The following USH2A variants were observed in gnomAD, a reference collection of about 807,000 sequenced individuals.
The protein encoded by USH2A is Usher syndrome 2A (autosomal recessive, mild).
A neutral mutation model predicts 538.9 loss-of-function variants in USH2A; 443 were observed. The ratio of observed to expected loss-of-function variants is 0.82; its 90% CI spans 0.76 to 0.89. USH2A has a LOEUF of 0.89. Ranked by LOEUF, USH2A falls within the 40% of genes least tolerant of loss-of-function variation. The probability of loss-of-function intolerance (pLI) is 0.00; values close to 1 mark genes in which losing one functional copy is unlikely to be tolerated. For synonymous variants in USH2A, 2,413 were observed against 2,273.5 expected, an observed-to-expected ratio of 1.06 and a Z score of -1.75; for missense variants, 6,633 against 6,324.8, an observed-to-expected ratio of 1.05 and a Z score of -1.65.
intron 4 of USH2A, among the ~76,000 whole-genome samples, chr1:216,350,842 A>T (rs1243326727): frequency 6.6e-6 from 1 of 152,166 alleles, no homozygotes; most frequent in African/African-American, 2.4e-5. Context: ...AATGTCCTAG[A>T]GGGGACTCAG....
chr1:215,789,976 C>A, intron 51 of USH2A, 83 bp downstream of exon 51: 1 of 1,372,804 alleles, frequency 7.3e-7, no homozygotes, highest in South Asian at 1.2e-5. Flanking sequence ...TTTTATATTC[C>A]TATTTTAGAA....
At chr1:216,009,721 C>T (rs150483408) in intron 32 of USH2A, among the ~76,000 whole-genome samples, 6 of 152,266 alleles carry the variant, frequency 3.9e-5, no homozygotes, top group South Asian at 2.1e-4. Context: ...CCCAATTCTT[C>T]CTCAGCCTCC....
intron 32 of USH2A, among the ~76,000 whole-genome samples, chr1:216,035,954 T>A (rs2029923561): frequency 6.6e-6 from 1 of 152,168 alleles, no homozygotes; most frequent in African/African-American, 2.4e-5. Flanking sequence ...TGAAAATAAG[T>A]CAATATTGCA....
chr1:216,087,426 A>G (rs1408293584), intron 23 of USH2A, among the ~76,000 whole-genome samples: 2 of 151,714 alleles, frequency 1.3e-5, no homozygotes, highest in African/African-American at 4.8e-5. Context: ...CTCTCCCCAA[A>G]CCTGCTTCTC....
chr1:216,351,187 C>G (rs1302950014), intron 4 of USH2A, among the ~76,000 whole-genome samples: 3 of 152,010 alleles, frequency 2.0e-5, no homozygotes, highest in Non-Finnish European at 2.9e-5. Flanking sequence ...GAGGGAAAAA[C>G]AGATATATTC....
At chr1:216,050,840 C>CAG in intron 30 of USH2A, among the ~76,000 whole-genome samples, 1 of 151,496 alleles carries the variant, frequency 6.6e-6, no homozygotes, top group East Asian at 2.0e-4. Context: ...CTCCTGACCT[C>CAG]GTGATCCACC....
chr1:216,269,588 G>A, intron 11 of USH2A, among the ~76,000 whole-genome samples: 1 of 152,080 alleles, frequency 6.6e-6, no homozygotes. Context: ...ATAGTAACAG[G>A]AAGAGTGCTA....
intron 21 of USH2A, among the ~76,000 whole-genome samples, chr1:216,106,521 T>C (rs1358649782): frequency 6.6e-6 from 1 of 151,420 alleles, no homozygotes; most frequent in Non-Finnish European, 1.5e-5. Flanking sequence ...TTTTTAAAAT[T>C]AATCCAAAAT....
At chr1:215,653,738 C>T (rs1657152568) in intron 64 of USH2A, among the ~76,000 whole-genome samples, 1 of 152,112 alleles carries the variant, frequency 6.6e-6, no homozygotes, top group Admixed American at 6.5e-5. Context: ...GGATTTTTGT[C>T]TATGCCCGGC....
intron 62 of USH2A, among the ~76,000 whole-genome samples, chr1:215,678,334 C>T (rs1658101557): frequency 6.6e-6 from 1 of 152,216 alleles, no homozygotes; most frequent in African/African-American, 2.4e-5. Flanking sequence ...CTACCAGTCC[C>T]TCCAACCTCT....
chr1:216,309,426 A>C (rs1201385786), intron 9 of USH2A, among the ~76,000 whole-genome samples: 8 of 152,260 alleles, frequency 5.3e-5, no homozygotes, highest in Non-Finnish European at 1.2e-4. Context: ...TTTCAGCCAG[A>C]CAGTCTCATA....
intron 11 of USH2A, among the ~76,000 whole-genome samples, chr1:216,252,186 A>G (rs1174011278): frequency 6.6e-6 from 1 of 152,250 alleles, no homozygotes; most frequent in African/African-American, 2.4e-5. Context: ...GTGTTGATTA[A>G]AGAAAGATAA....
chr1:216,175,627 G>A, intron 20 of USH2A, 145 bp from the exon 21 acceptor site: 1 of 802,570 alleles, frequency 1.2e-6, no homozygotes, highest in Non-Finnish European at 2.0e-6. Context: ...ATGGCTCTAG[G>A]AACTGAAAAC....
At chr1:216,235,536 CA>C (rs2035792654) in intron 13 of USH2A, among the ~76,000 whole-genome samples, 1 of 152,184 alleles carries the variant, frequency 6.6e-6, no homozygotes, top group Non-Finnish European at 1.5e-5. Flanking sequence ...AACAAAGAGT[CA>C]CCCATATTGT....
At chr1:215,673,291 T>C (rs1258460057) in intron 63 of USH2A, among the ~76,000 whole-genome samples, 6 of 152,192 alleles carry the variant, frequency 3.9e-5, no homozygotes, top group Non-Finnish European at 5.9e-5. Context: ...ATTACAATAA[T>C]AGCTGAATTT....
At chr1:215,667,659 T>C (rs1204921362) in intron 64 of USH2A, among the ~76,000 whole-genome samples, 2 of 150,722 alleles carry the variant, frequency 1.3e-5, no homozygotes, top group Non-Finnish European at 2.9e-5. Context: ...GATCGTGCCA[T>C]TGCACTCCAG....
chr1:215,774,896 C>CT (rs965961240), intron 55 of USH2A, among the ~76,000 whole-genome samples: 18 of 145,144 alleles, frequency 1.2e-4, no homozygotes, highest in South Asian at 4.4e-4. Context: ...TGATGCCACA[C>CT]TTTTTTTTTT....
chr1:216,408,788 A>G (rs1000426696), intron 3 of USH2A, among the ~76,000 whole-genome samples: 2 of 152,160 alleles, frequency 1.3e-5, no homozygotes, highest in African/African-American at 4.8e-5. Flanking sequence ...ATACAGCAAC[A>G]GCTGATCTGA....
Position 215,741,450 on chromosome 1 carries a change from C to T in USH2A, c.11636G>A (p.Gly3879Glu). 1 of 1,613,488 alleles carries T rather than the reference C, an allele frequency of 6.2e-7. No homozygotes were observed. Among genetic ancestry groups the T allele is most frequent in the Non-Finnish European group, 8.5e-7 (1 of 1,179,870 alleles). The change falls in exon 60 of 72, where the codon GGG becomes GAG. Residue 3879 changes from glycine to glutamate, a missense_variant. Coordinates refer to ENST00000307340, the MANE Select transcript of USH2A (RefSeq NM_206933.4). ...DLNSPVLKAL[G>E]SACIEIKWMP... Reference sequence around the variant, plus strand: ...CCACTTAATCTCTATGCAAGCTGACCCCAGTGCCTTAAGAACAGGAGAATT... The same window carrying T: ...CCACTTAATCTCTATGCAAGCTGACTCCAGTGCCTTAAGAACAGGAGAATT...
Sources: allele counts gnomAD v4.1 joint callset (sites outside exome capture counted in the v4.1 genomes callset), GRCh38; gene constraint gnomAD v4.1.1; transcripts MANE v1.5; gene names NCBI Gene and HGNC (gene_info 2026-07-23, HGNC 2026-07-21).